The following B3GALT1 variants were observed in gnomAD, a reference collection of about 807,000 sequenced individuals.
B3GALT1 encodes the protein UDP-Gal:betaGlcNAc beta 1,3-galactosyltransferase, polypeptide 1.
A neutral mutation model predicts 23.2 loss-of-function variants in B3GALT1; 10 were observed. The observed-to-expected ratio is 0.43, with a 90% CI of 0.27 to 0.73. The LOEUF is 0.73. B3GALT1 is among the 30% of genes least tolerant of loss of function. B3GALT1 has a pLI of 0.21. For synonymous variants in B3GALT1, 156 were observed against 141.5 expected, an observed-to-expected ratio of 1.10 and a Z score of -0.73; for missense variants, 299 against 405.4, an observed-to-expected ratio of 0.74 and a Z score of 2.25.
In B3GALT1 at chr2:167,777,410, G is replaced by A. The variant is rs768396568; in HGVS notation, c.-351-41262G>A. Among the ~76,000 whole-genome samples the A allele has an allele frequency of 6.6e-5, 10 of 152,254 alleles. No homozygotes were observed. The Middle Eastern group carries it at 0.014, about 207-fold the overall frequency. The stretch of plus-strand genomic sequence containing the variant: ...TGCCCAGGCTGGAGTGCAATGGCAC[G>A]ATCTCGGCTCACTGCAACCTCTGCT... On this transcript the variant is annotated intron_variant, in intron 3 of 4. Transcript: ENST00000392690.
chr2:167,642,061 C>T (rs1017701902), intron 2 of B3GALT1, among the ~76,000 whole-genome samples: 5 of 152,188 alleles, frequency 3.3e-5, no homozygotes, highest in Non-Finnish European at 5.9e-5. Flanking sequence ...TCAAATCACT[C>T]AGTCCATCTC....
intron 1 of B3GALT1, among the ~76,000 whole-genome samples, chr2:167,341,668 A>G (rs979317499): frequency 6.6e-6 from 1 of 151,212 alleles, no homozygotes; most frequent in Admixed American, 6.6e-5. Context: ...TCTCAAAAAC[A>G]AAAAAAAAGA....
intron 1 of B3GALT1, among the ~76,000 whole-genome samples, chr2:167,384,190 A>C (rs1697884706): frequency 6.6e-6 from 1 of 152,204 alleles, no homozygotes. Context: ...GAAGAGTTTG[A>C]AAACTATATT....
intron 2 of B3GALT1, among the ~76,000 whole-genome samples, chr2:167,490,697 G>A (rs1699696185): frequency 6.6e-6 from 1 of 152,164 alleles, no homozygotes; most frequent in Non-Finnish European, 1.5e-5. Flanking sequence ...CATCTTATTA[G>A]CACATCTGTA....
intron 1 of B3GALT1, among the ~76,000 whole-genome samples, chr2:167,367,580 C>T (rs532140158): frequency 3.3e-5 from 5 of 152,202 alleles, no homozygotes; most frequent in Non-Finnish European, 5.9e-5. Context: ...GTTATGTGTT[C>T]GGCTCTGTTC....
At chr2:167,559,356 A>G (rs199928790) in intron 2 of B3GALT1, among the ~76,000 whole-genome samples, 2 of 152,194 alleles carry the variant, frequency 1.3e-5, no homozygotes, top group Admixed American at 6.5e-5. Context: ...AAGATGGGGA[A>G]AAAACAGAGC....
chr2:167,349,412 G>A (rs1240488090), intron 1 of B3GALT1, among the ~76,000 whole-genome samples: 1 of 152,120 alleles, frequency 6.6e-6, no homozygotes, highest in East Asian at 1.9e-4. Flanking sequence ...CAACGTGCAA[G>A]AATAGTGATG....
At chr2:167,459,071 A>C (rs1428544365) in intron 1 of B3GALT1, among the ~76,000 whole-genome samples, 1 of 152,184 alleles carries the variant, frequency 6.6e-6, no homozygotes, top group African/African-American at 2.4e-5. Flanking sequence ...TTATTCAGCT[A>C]ATCTCTGTCT....
intron 1 of B3GALT1, among the ~76,000 whole-genome samples, chr2:167,485,283 C>A (rs1484086311): frequency 2.0e-5 from 3 of 151,920 alleles, no homozygotes; most frequent in Admixed American, 6.6e-5. Flanking sequence ...ACCCACATGG[C>A]AAGTTTTGAA....
At chr2:167,669,631 T>G (rs1473347496) in intron 3 of B3GALT1, among the ~76,000 whole-genome samples, 2 of 152,340 alleles carry the variant, frequency 1.3e-5, no homozygotes, top group Admixed American at 1.3e-4. Context: ...TATCTAAAAT[T>G]TATCATATAT....
chr2:167,445,187 C>A (rs1453418250), intron 1 of B3GALT1, among the ~76,000 whole-genome samples: 1 of 152,194 alleles, frequency 6.6e-6, no homozygotes, highest in East Asian at 1.9e-4. Flanking sequence ...GAGTGAGTTT[C>A]TCAATCCTGA....
At chr2:167,748,610 G>T (rs1379789895) in intron 3 of B3GALT1, among the ~76,000 whole-genome samples, 8 of 152,156 alleles carry the variant, frequency 5.3e-5, no homozygotes, top group Admixed American at 5.2e-4. Context: ...CAACTATGTG[G>T]AAGTGCATGA....
chr2:167,843,897 G>A (rs890111338), intron 4 of B3GALT1, among the ~76,000 whole-genome samples: 3 of 152,158 alleles, frequency 2.0e-5, no homozygotes, highest in African/African-American at 7.2e-5. Flanking sequence ...TTTGTTCTCT[G>A]ACACCAAAAC....
chr2:167,424,114 T>C (rs1698589022), intron 1 of B3GALT1, among the ~76,000 whole-genome samples: 1 of 152,208 alleles, frequency 6.6e-6, no homozygotes, highest in Admixed American at 6.5e-5. Flanking sequence ...TCAACCGCAA[T>C]TTATTAAGCA....
At chr2:167,321,911 G>A (rs1221306729) in intron 1 of B3GALT1, among the ~76,000 whole-genome samples, 1 of 151,838 alleles carries the variant, frequency 6.6e-6, no homozygotes, top group African/African-American at 2.4e-5. Context: ...TACCAATATT[G>A]AGCAAGTAAT....
At chr2:167,766,492 A>G (rs1173175553) in intron 3 of B3GALT1, among the ~76,000 whole-genome samples, 1 of 152,214 alleles carries the variant, frequency 6.6e-6, no homozygotes, top group East Asian at 1.9e-4. Flanking sequence ...ATGCAATAAT[A>G]TCAGCCATTT....
intron 2 of B3GALT1, among the ~76,000 whole-genome samples, chr2:167,527,758 A>G (rs1337709026): frequency 6.6e-6 from 1 of 152,148 alleles, no homozygotes; most frequent in African/African-American, 2.4e-5. Context: ...TTTCCTCTCT[A>G]AAAGTTGAAG....
intron 2 of B3GALT1, among the ~76,000 whole-genome samples, chr2:167,544,904 C>T (rs192857887): frequency 0.025 from 3,855 of 151,938 alleles, 68 homozygotes; most frequent in Middle Eastern, 0.045. Flanking sequence ...ATTAGAGAAA[C>T]GCGCATGTAC....
chr2:167,357,722 T>C (rs1697437797), intron 1 of B3GALT1, among the ~76,000 whole-genome samples: 1 of 152,228 alleles, frequency 6.6e-6, no homozygotes, highest in Admixed American at 6.5e-5. Flanking sequence ...TTGAAGTTGC[T>C]ATTTGGAAAA....
Sources: gnomAD v4.1 joint callset for allele counts (sites outside exome capture counted in the v4.1 genomes callset) on GRCh38, gnomAD v4.1.1 for gene constraint, MANE v1.5 for transcripts, NCBI Gene and HGNC (gene_info 2026-07-23, HGNC 2026-07-21) for gene names.